ADRA1A: variants seen among roughly 807,000 people sequenced by gnomAD.
ADRA1A encodes the protein alpha-1A adrenergic receptor.
Under a neutral mutation model 29.6 loss-of-function variants are expected in ADRA1A, and 31 were observed. The ratio of observed to expected loss-of-function variants is 1.05; its 90% CI spans 0.79 to 1.41. ADRA1A has a LOEUF of 1.41. Among genes scored for constraint, ADRA1A ranks in the 40% most tolerant of loss-of-function variants. The pLI, the probability that ADRA1A is intolerant of heterozygous loss-of-function variation, is 0.00. For missense variants in ADRA1A, 619 were observed against 601.1 expected (o/e 1.03, Z -0.31); for synonymous variants, 311 against 254.3 (o/e 1.22, Z -2.12).
downstream of ADRA1A, chr8:26,766,110 C>G (rs960306452): frequency 6.2e-7 from 1 of 1,613,592 alleles, no homozygotes; most frequent in East Asian, 2.2e-5. Context: ...TTGATATGCT[C>G]TCTGCAATTC....
At chr8:26,750,205 C>G (rs1014595623) in intron 2 of ADRA1A, among the ~76,000 whole-genome samples, 1 of 151,934 alleles carries the variant, frequency 6.6e-6, no homozygotes, top group Non-Finnish European at 1.5e-5. Context: ...GGGGTCTCTT[C>G]TTTTTCTTTT....
At chr8:26,768,277 C>T (rs1319898909), downstream of ADRA1A, among the ~76,000 whole-genome samples, 1 of 152,184 alleles carries the variant, frequency 6.6e-6, no homozygotes, top group Admixed American at 6.5e-5. Flanking sequence ...GTGAAGGTTA[C>T]AGCTGCTTTG....
rs147273844 is a variant in ADRA1A, at chr8:26,818,053, G to A, written c.883+46034C>T. Among the ~76,000 whole-genome samples, 186 of 152,262 alleles carry A rather than the reference G, an allele frequency of 1.2e-3. 2 individuals are homozygous for A. The highest frequency in any genetic ancestry group is 4.0e-3 in the African/African-American group (165 of 41,550). ...TATGGATGAATCTCAAACACATTAC[G>A]CTGAGTAAAAGATGCCTGACTCCAA... On this transcript the variant is annotated intron_variant, in intron 2 of 2. Transcript: ENST00000380573.
In ADRA1A at chr8:26,769,711, T is replaced by C. The variant is rs1805997218; in HGVS notation, c.*438A>G. The C allele has an allele frequency of 1.0e-6, 1 of 988,144 alleles. No individual in the cohort carries two copies. The highest frequency in any genetic ancestry group is 1.7e-5 in the African/African-American group (1 of 57,306). The allele number at this position is 988,144 out of a possible 1,614,324, so 61.2% of individuals were successfully genotyped here. On this transcript the variant is annotated 3_prime_UTR_variant, in exon 3 of 3. Transcript: ENST00000380573. ...CCTCTCTAGGCCCTCTCCCCATAAA[T>C]GTCAAATGTGGCTGTCAGTAGGTTG...
rs993449875 is a variant in ADRA1A at position 26,823,019 on chromosome 8, G to T, written c.883+41068C>A. The stretch of plus-strand genomic sequence containing the variant: ...ACCAGGCCCCACTTCCAGCATTAGG[G>T]ATTACAATTTGACATGAGATTTGGG... On this transcript the variant is annotated intron_variant, in intron 2 of 2. Transcript: ENST00000380573. The surrounding 1 kb of genome is among the most constrained non-coding windows in gnomAD (Gnocchi z 4.2). 6.6e-6 allele frequency among the ~76,000 whole-genome samples: 1 copy of T among 152,134 alleles called. No homozygotes were observed. Among genetic ancestry groups the T allele is most frequent in the Non-Finnish European group, 1.5e-5 (1 of 68,032 alleles).
chr8:26,815,113 G>A lies in ADRA1A; in HGVS notation c.884-44447C>T, dbSNP rs771942166. 6.9e-4 allele frequency among the ~76,000 whole-genome samples: 105 copies of A among 152,202 alleles called. No individual in the cohort carries two copies. Among genetic ancestry groups the A allele is most frequent in the African/African-American group, 2.4e-3 (100 of 41,526 alleles). On this transcript the variant is annotated intron_variant, in intron 2 of 2. Coordinates refer to ENST00000380573, the MANE Select transcript of ADRA1A (RefSeq NM_000680.4). The surrounding 1 kb of genome is among the most constrained non-coding windows in gnomAD (Gnocchi z 4.2). ...TTTTATTGGTCAATATAATTTAGAC[G>A]CATGGGCCAAAGTATCAAAAATTTC...
At chr8:26,844,890 T>C (rs79318800) in intron 2 of ADRA1A, among the ~76,000 whole-genome samples, 5,537 of 152,274 alleles carry the variant, frequency 0.036, 130 homozygotes, top group Middle Eastern at 0.12. Flanking sequence ...TTGGGACACA[T>C]ATAAAATACA....
chr8:26,803,495 G>A (rs752099740), intron 2 of ADRA1A, among the ~76,000 whole-genome samples: 17 of 151,986 alleles, frequency 1.1e-4, no homozygotes, highest in Non-Finnish European at 1.9e-4. Flanking sequence ...AGAAAACATC[G>A]AAAAATACCT....
At chr8:26,822,889 C>T (rs1810278139) in intron 2 of ADRA1A, among the ~76,000 whole-genome samples, 1 of 152,092 alleles carries the variant, frequency 6.6e-6, no homozygotes, top group African/African-American at 2.4e-5. Flanking sequence ...AGGTGCCACA[C>T]ACTTTTAATA....
chr8:26,801,310 C>A (rs1392216970), intron 2 of ADRA1A, among the ~76,000 whole-genome samples: 1 of 151,878 alleles, frequency 6.6e-6, no homozygotes, highest in African/African-American at 2.4e-5. Flanking sequence ...GTAAAGGCAT[C>A]CAAATTGGAA....
rs1317420396 is a variant in ADRA1A, at chr8:26,825,991, T to G, written c.883+38096A>C. On this transcript the variant is annotated intron_variant, in intron 2 of 2. Coordinates refer to ENST00000380573, the MANE Select transcript of ADRA1A (RefSeq NM_000680.4). The surrounding 1 kb of genome is among the most constrained non-coding windows in gnomAD (Gnocchi z 5.7). The stretch of plus-strand genomic sequence containing the variant: ...ATTCTGTCCAGAGAGTGCTTACCTC[T>G]TCTTCCTGAGAAGATGGCCAGCTCA... Among the ~76,000 whole-genome samples, 1 of 152,216 alleles carries G rather than the reference T, an allele frequency of 6.6e-6. No individual in the cohort carries two copies. Among genetic ancestry groups the G allele is most frequent in the African/African-American group, 2.4e-5 (1 of 41,460 alleles).
chr8:26,846,586 T>C (rs945121752), intron 2 of ADRA1A, among the ~76,000 whole-genome samples: 3 of 152,088 alleles, frequency 2.0e-5, no homozygotes, highest in Non-Finnish European at 4.4e-5. Flanking sequence ...CTGGCCAACA[T>C]GGAGAAACCC....
chr8:26,807,022 G>A (rs898388317), intron 2 of ADRA1A, among the ~76,000 whole-genome samples: 1 of 152,226 alleles, frequency 6.6e-6, no homozygotes, highest in Non-Finnish European at 1.5e-5. Flanking sequence ...TTCACTGAAC[G>A]AGCTTACTAA....
intron 2 of ADRA1A, among the ~76,000 whole-genome samples, chr8:26,842,139 T>C (rs1252117121): frequency 1.3e-5 from 2 of 152,188 alleles, no homozygotes; most frequent in African/African-American, 2.4e-5. Context: ...TCTGAGAGGA[T>C]GGAAATGTTC....
chr8:26,791,380 A>G (rs1417345375), intron 2 of ADRA1A, among the ~76,000 whole-genome samples: 1 of 152,154 alleles, frequency 6.6e-6, no homozygotes, highest in Non-Finnish European at 1.5e-5. Context: ...TTTGATCCGT[A>G]TTGCCAAATT....
chr8:26,833,257 T>G (rs963926831), intron 2 of ADRA1A, among the ~76,000 whole-genome samples: 2 of 152,092 alleles, frequency 1.3e-5, no homozygotes, highest in East Asian at 3.9e-4. Flanking sequence ...GGCCGGATGA[T>G]TTCCCTTGAC....
At chr8:26,781,467 A>G (rs1806975753) in intron 2 of ADRA1A, among the ~76,000 whole-genome samples, 1 of 152,228 alleles carries the variant, frequency 6.6e-6, no homozygotes, top group Non-Finnish European at 1.5e-5. Flanking sequence ...CATTTTGAAC[A>G]CAGCTCCTGC....
At chr8:26,802,052 T>G (rs1467840331) in intron 2 of ADRA1A, among the ~76,000 whole-genome samples, 1 of 152,288 alleles carries the variant, frequency 6.6e-6, no homozygotes, top group African/African-American at 2.4e-5. Context: ...TGCAGAAGAA[T>G]TAAACCAGAC....
At chr8:26,768,395 T>C (rs1805906621), downstream of ADRA1A, among the ~76,000 whole-genome samples, 1 of 152,222 alleles carries the variant, frequency 6.6e-6, no homozygotes, top group Non-Finnish European at 1.5e-5. Context: ...TTAAATTCTA[T>C]TTTAAATCCT....
Sources: gnomAD v4.1 joint callset for allele counts (sites outside exome capture counted in the v4.1 genomes callset) on GRCh38, gnomAD v4.1.1 for gene constraint, Gnocchi (gnomAD v3.1) non-coding constraint, MANE v1.5 for transcripts, NCBI Gene and HGNC (gene_info 2026-07-23, HGNC 2026-07-21) for gene names.